The following PCLO variants were observed in gnomAD, a reference collection of about 807,000 sequenced individuals.
PCLO encodes the protein piccolo presynaptic cytomatrix protein, also known as protein piccolo.
PCLO carries 82 observed loss-of-function variants against 427.5 expected under a neutral mutation model. The observed-to-expected ratio is 0.19, with a 90% CI of 0.16 to 0.23. PCLO has a LOEUF of 0.23. PCLO is among the 10% of genes least tolerant of loss of function. The pLI is 1.00. For missense variants in PCLO, 6,239 were observed against 6,115.9 expected (o/e 1.02, Z -0.67); for synonymous variants, 2,357 against 2,155.4 (o/e 1.09, Z -2.59).
intron 14 of PCLO, among the ~76,000 whole-genome samples, chr7:82,839,672 A>C (rs1274254966): frequency 1.3e-5 from 2 of 152,048 alleles, no homozygotes; most frequent in Non-Finnish European, 2.9e-5. Flanking sequence ...TAAGTGATGA[A>C]GCACCCAAAC....
At chr7:82,849,197 CA>C (rs1792584149) in intron 10 of PCLO, among the ~76,000 whole-genome samples, 1 of 151,898 alleles carries the variant, frequency 6.6e-6, no homozygotes, top group African/African-American at 2.4e-5. Context: ...CTTCACATCC[CA>C]AAATAAAAGG....
chr7:83,112,284 C>A (rs1460468173), intron 3 of PCLO, among the ~76,000 whole-genome samples: 2 of 152,124 alleles, frequency 1.3e-5, no homozygotes, highest in African/African-American at 2.4e-5. Context: ...TCTCGAACTC[C>A]TGACCTCATG....
At chr7:82,865,009 T>C (rs1007408617) in intron 10 of PCLO, among the ~76,000 whole-genome samples, 4 of 152,186 alleles carry the variant, frequency 2.6e-5, no homozygotes, top group Admixed American at 1.3e-4. Context: ...TGAGAGATTT[T>C]ATTCACCTTT....
At chr7:82,995,920 T>C (rs563232384) in intron 3 of PCLO, among the ~76,000 whole-genome samples, 1 of 151,988 alleles carries the variant, frequency 6.6e-6, no homozygotes, top group South Asian at 2.1e-4. Context: ...ATTGGAAGAA[T>C]CCAATAAAGG....
chr7:82,999,256 A>G (rs1389714821), intron 3 of PCLO, among the ~76,000 whole-genome samples: 2 of 144,866 alleles, frequency 1.4e-5, no homozygotes, highest in African/African-American at 5.0e-5. Flanking sequence ...ATATGGATAT[A>G]TAATAAATAT....
intron 3 of PCLO, among the ~76,000 whole-genome samples, chr7:83,035,119 C>T (rs1788762397): frequency 6.6e-6 from 1 of 152,140 alleles, no homozygotes; most frequent in Non-Finnish European, 1.5e-5. Flanking sequence ...TCCTGCAAGT[C>T]TCTAATCATC....
intron 20 of PCLO, chr7:82,822,176 C>G (rs1373403776): frequency 3.6e-6 from 4 of 1,116,940 alleles, no homozygotes; most frequent in South Asian, 2.7e-5. Flanking sequence ...GATATTTAAG[C>G]GCAAACAAAA....
At position 82,837,062 on chromosome 7, in the gene PCLO, C is replaced by A. The variant is rs1792248581; in HGVS notation, c.14222+1156G>T. On this transcript the variant is annotated intron_variant, in intron 15 of 24. Coordinates refer to ENST00000333891, the MANE Select transcript of PCLO (RefSeq NM_033026.6). ...AACCAGCTAGGAAAATATTAAGAGG[C>A]AACCAAACAATTATTTGAAAAATTT... is the stretch of plus-strand genomic sequence containing the variant. Among the ~76,000 whole-genome samples, 2 of 151,976 alleles carry A rather than the reference C, an allele frequency of 1.3e-5. 1 individual carries two copies. Among genetic ancestry groups the A allele is most frequent in the South Asian group, 4.1e-4 (2 of 4,826 alleles).
intron 22 of PCLO, among the ~76,000 whole-genome samples, chr7:82,769,487 T>C (rs1302407042): frequency 6.6e-6 from 1 of 152,144 alleles, no homozygotes; most frequent in East Asian, 1.9e-4. Flanking sequence ...CTGGACATAG[T>C]ATAAAGTGAG....
chr7:82,797,526 A>C (rs1791251021), intron 22 of PCLO, among the ~76,000 whole-genome samples: 1 of 152,168 alleles, frequency 6.6e-6, no homozygotes. Flanking sequence ...CTCATTGTCA[A>C]CAAGTGCACA....
At chr7:82,883,872 C>A (rs1220577184) in intron 9 of PCLO, among the ~76,000 whole-genome samples, 1 of 152,118 alleles carries the variant, frequency 6.6e-6, no homozygotes, top group Non-Finnish European at 1.5e-5. Flanking sequence ...CAGGCTCAAG[C>A]TATTCTCCTG....
chr7:82,955,037 A>C lies in PCLO; in HGVS notation c.5916T>G (p.Ser1972Arg). ...EDTYNGSVDG[S>R]LLTRQEEENG... The stretch of plus-strand genomic sequence containing the variant: ...TTTCTTCTTCTTGCCTTGTTAGCAG[A>C]CTGCCATCTACCGATCCATTGTACG... Residue 1972 changes from serine to arginine, a missense_variant, in exon 5 of 25, where the codon AGT becomes AGG. Ser to Arg is a moderately radical substitution (Grantham distance 110). Around this residue, in one of 5 missense-constraint regions of PCLO, gnomAD observed 4,677 missense variants for 4,468.4 expected, o/e 1.05. Transcript: ENST00000333891. 4 of 1,613,772 alleles carry C rather than the reference A, an allele frequency of 2.5e-6. No homozygotes were observed. In the Middle Eastern group the frequency reaches 6.6e-4, roughly 266 times the overall value.
At chr7:83,142,977 C>T (rs972934419) in intron 2 of PCLO, among the ~76,000 whole-genome samples, 3 of 152,012 alleles carry the variant, frequency 2.0e-5, no homozygotes, top group Admixed American at 6.6e-5. Context: ...AGAGCAAACA[C>T]TTATGCTTAC....
At position 82,951,900 on chromosome 7, in the gene PCLO, C is replaced by T. The variant is rs267601591; in HGVS notation, c.9053G>A (p.Gly3018Glu). 2.5e-6 allele frequency: 4 copies of T among 1,613,668 alleles called. No homozygotes were observed. The highest frequency in any genetic ancestry group is 3.4e-6 in the Non-Finnish European group (4 of 1,179,786). ...AGTCAGATCTACTGCTGTGTCAGTT[C>T]CTTCAGAATAATCAAAAGCATTCTT... is the stretch of plus-strand genomic sequence containing the variant. ...KSKNAFDYSE[G>E]TDTAVDLTSG... The change falls in exon 5 of 25, where the codon GGA (glycine) becomes GAA (glutamate). Residue 3018 changes from glycine to glutamate, a missense_variant. By Grantham distance (98) the Gly-to-Glu change is moderately conservative. This residue lies in a region of PCLO where 4,677 missense variants were observed against 4,468.4 expected (regional missense o/e 1.05). Transcript: ENST00000333891.
At chr7:83,069,296 C>T (rs974713742) in intron 3 of PCLO, among the ~76,000 whole-genome samples, 1 of 152,010 alleles carries the variant, frequency 6.6e-6, no homozygotes, top group African/African-American at 2.4e-5. Context: ...GGTTTTGCAT[C>T]CTGTGAATAC....
intron 14 of PCLO, 148 bp downstream of exon 14, chr7:82,841,311 T>C: frequency 1.6e-6 from 1 of 642,698 alleles, no homozygotes; most frequent in African/African-American, 1.9e-5. Flanking sequence ...ATTAATATAC[T>C]ATTCTATAAA....
At position 82,757,719 on chromosome 7, in the gene PCLO, A is replaced by G. The variant is rs894606067; in HGVS notation, c.*856T>C. 3.3e-5 allele frequency: 5 copies of G among 151,998 alleles called. No homozygotes were observed. Among genetic ancestry groups the G allele is most frequent in the Non-Finnish European group, 7.4e-5 (5 of 67,922 alleles). The allele number at this position is 151,998 out of a possible 1,614,324, so 9.4% of individuals were successfully genotyped here. ...CAGTTTACTCTAGGTCCTTTGGTAC[A>G]TAGACTGAAGATGTCTTGGCTTAAT... On this transcript the variant is annotated 3_prime_UTR_variant, in exon 25 of 25. Transcript: ENST00000333891.
chr7:82,760,528 T>C (rs1478257589), intron 24 of PCLO, 111 bp downstream of exon 24: 3 of 628,496 alleles, frequency 4.8e-6, no homozygotes, highest in Non-Finnish European at 7.4e-6. Context: ...TTAATTAACT[T>C]CTCAAATGTC....
rs374711049 is a variant in PCLO, at chr7:82,955,676, C to T, written c.5277G>A (p.Arg1759=). 3.1e-5 allele frequency: 50 copies of T among 1,613,864 alleles called. No individual in the cohort carries two copies. The highest frequency in any genetic ancestry group is 2.7e-4 in the Admixed American group (16 of 59,992). ...KGESKQQRKA[R]HRPHGPLLPT... The stretch of plus-strand genomic sequence containing the variant: ...GCAAAAGAGGGCCATGTGGTCTGTG[C>T]CGAGCTTTGCGTTGCTGTTTGCTCT... Residue 1759 remains arginine, a synonymous_variant, in exon 5 of 25, where the codon CGG becomes CGA. Coordinates refer to ENST00000333891, the MANE Select transcript of PCLO (RefSeq NM_033026.6).
Sources: gnomAD v4.1 joint callset for allele counts (sites outside exome capture counted in the v4.1 genomes callset) on GRCh38, gnomAD v4.1.1 for gene constraint, gnomAD v4.1.1 regional missense constraint, MANE v1.5 for transcripts, NCBI Gene and HGNC (gene_info 2026-07-23, HGNC 2026-07-21) for gene names.